Variants in PRKCI observed in about 807,000 individuals in gnomAD.
PRKCI encodes the protein protein kinase C iota.
Under a neutral mutation model 84.0 loss-of-function variants are expected in PRKCI, and 43 were observed. That is an observed-to-expected ratio of 0.51 (90% confidence interval 0.40 to 0.66). The LOEUF is 0.66. PRKCI is among the 30% of genes least tolerant of loss of function. The probability of loss-of-function intolerance (pLI) is 0.00; values close to 1 mark genes in which losing one functional copy is unlikely to be tolerated. For synonymous variants in PRKCI, 216 were observed against 234.4 expected (o/e 0.92, Z 0.72); for missense variants, 459 against 745.6 (o/e 0.62, Z 4.48).
chr3:170,279,262 C>A (rs1485466745), intron 8 of PRKCI, among the ~76,000 whole-genome samples: 1 of 152,148 alleles, frequency 6.6e-6, no homozygotes, highest in Non-Finnish European at 1.5e-5. Context: ...AACTCCTGGG[C>A]TCAATCAGTC....
chr3:170,242,412 G>C (rs182662392), intron 2 of PRKCI, among the ~76,000 whole-genome samples: 6 of 149,200 alleles, frequency 4.0e-5, no homozygotes, highest in Admixed American at 2.6e-4. Flanking sequence ...CTGCACTCTA[G>C]CCTGGACCAC....
intron 14 of PRKCI, among the ~76,000 whole-genome samples, chr3:170,294,855 A>C (rs1734654086): frequency 6.6e-6 from 1 of 152,196 alleles, no homozygotes; most frequent in African/African-American, 2.4e-5. Context: ...GAGGCACTTC[A>C]GTTATATATG....
chr3:170,247,247 G>A (rs962387023), intron 2 of PRKCI, among the ~76,000 whole-genome samples: 8 of 151,464 alleles, frequency 5.3e-5, no homozygotes, highest in African/African-American at 1.5e-4. Context: ...ATAGAGATGG[G>A]ATCTTGCTAT....
rs371213300 is a variant in PRKCI, at chr3:170,297,410, T to G, written c.1587+17T>G. 9.3e-5 allele frequency: 147 copies of G among 1,576,416 alleles called. 1 individual carries two copies. In the Middle Eastern group the frequency reaches 1.0e-3, roughly 11 times the overall value. On this transcript the variant is annotated intron_variant, in intron 16 of 17. Coordinates refer to ENST00000295797, the MANE Select transcript of PRKCI (RefSeq NM_002740.6). The stretch of plus-strand genomic sequence containing the variant: ...TGGGATATGGTATGTAAATTTTGAT[T>G]ACTCAACTATTAGGTTTCATTATTA...
chr3:170,287,630 G>T (rs957902212), intron 12 of PRKCI, among the ~76,000 whole-genome samples: 1 of 151,618 alleles, frequency 6.6e-6, no homozygotes. Flanking sequence ...ATCAAAATGG[G>T]CAGGGTGTGA....
chr3:170,303,802 G>T lies in PRKCI; in HGVS notation c.*675G>T, dbSNP rs560373226. 371 of 187,398 alleles carry T rather than the reference G, an allele frequency of 2.0e-3. 1 individual carries two copies. Among genetic ancestry groups the T allele is most frequent in the African/African-American group, 7.2e-3 (310 of 42,886 alleles). The allele number at this position is 187,398 out of a possible 1,614,324, so 11.6% of individuals were successfully genotyped here. Reference sequence around the variant, plus strand: ...ACTTGAGGTCAGGAGTTTGAGATTGGCCTGGTCAACATGGTGAAATCCTGT... The same window carrying T: ...ACTTGAGGTCAGGAGTTTGAGATTGTCCTGGTCAACATGGTGAAATCCTGT... On this transcript the variant is annotated 3_prime_UTR_variant, in exon 18 of 18. Transcript: ENST00000295797.
chr3:170,271,135 T>G (rs1007779767), intron 6 of PRKCI, among the ~76,000 whole-genome samples: 1 of 152,158 alleles, frequency 6.6e-6, no homozygotes, highest in African/African-American at 2.4e-5. Context: ...GTGGATATCC[T>G]TCCAGAACTT....
chr3:170,249,425 G>A (rs1017291525), intron 2 of PRKCI, among the ~76,000 whole-genome samples: 3 of 152,116 alleles, frequency 2.0e-5, no homozygotes, highest in Admixed American at 6.6e-5. Context: ...GTGCGTGTGT[G>A]CGTTTATGTG....
At chr3:170,222,915 G>A in intron 1 of PRKCI, 145 bp downstream of exon 1, 1 of 683,928 alleles carries the variant, frequency 1.5e-6, no homozygotes, top group Non-Finnish European at 2.4e-6. Context: ...GGTGAGTGAC[G>A]AAGTGATAGG....
chr3:170,262,031 T>C (rs3849448), intron 3 of PRKCI, among the ~76,000 whole-genome samples: 12,171 of 152,250 alleles, frequency 0.08, 629 homozygotes, highest in East Asian at 0.21. Flanking sequence ...CTTTTAAAAA[T>C]ATGCATTAGG....
At chr3:170,285,752 T>G (rs1734367435) in intron 12 of PRKCI, among the ~76,000 whole-genome samples, 1 of 151,266 alleles carries the variant, frequency 6.6e-6, no homozygotes. Flanking sequence ...TATTGTTGTT[T>G]TTTTTTTTTG....
chr3:170,295,474 T>C (rs190763511), intron 14 of PRKCI, among the ~76,000 whole-genome samples: 151 of 151,970 alleles, frequency 9.9e-4, no homozygotes, highest in African/African-American at 3.5e-3. Context: ...GTCAGGAGTT[T>C]GAGACCAGCC....
intron 1 of PRKCI, among the ~76,000 whole-genome samples, chr3:170,229,107 A>G (rs1456936910): frequency 6.6e-6 from 1 of 152,080 alleles, no homozygotes; most frequent in Non-Finnish European, 1.5e-5. Flanking sequence ...CATTGTTAAC[A>G]GTTAGGGATA....
intron 2 of PRKCI, among the ~76,000 whole-genome samples, chr3:170,252,368 A>G (rs917329467): frequency 6.6e-6 from 1 of 152,204 alleles, no homozygotes; most frequent in Non-Finnish European, 1.5e-5. Context: ...ATGGATACAT[A>G]GTAGGTGTAT....
At chr3:170,269,209 C>T (rs1733941348) in intron 5 of PRKCI, among the ~76,000 whole-genome samples, 1 of 152,210 alleles carries the variant, frequency 6.6e-6, no homozygotes, top group Non-Finnish European at 1.5e-5. Context: ...GCCACCATGC[C>T]TGGCCAGAAA....
intron 7 of PRKCI, among the ~76,000 whole-genome samples, chr3:170,273,927 T>C (rs1043039766): frequency 6.0e-5 from 9 of 150,916 alleles, no homozygotes; most frequent in Admixed American, 1.3e-4. Flanking sequence ...AGCTCAGGAG[T>C]TCAAGACCAG....
chr3:170,264,139 A>C (rs1344528510), intron 4 of PRKCI, among the ~76,000 whole-genome samples: 1 of 151,818 alleles, frequency 6.6e-6, no homozygotes, highest in Non-Finnish European at 1.5e-5. Flanking sequence ...TCATATATGC[A>C]TGCACAGTTA....
rs770998502 is a variant in PRKCI at position 170,297,365 on chromosome 3, C to T, written c.1559C>T (p.Pro520Leu). 3.0e-5 allele frequency: 49 copies of T among 1,612,956 alleles called. No individual in the cohort carries two copies. The African/African-American group carries it at 3.3e-4, about 11-fold the overall frequency. ...GGATTTGCTGATATTCAGGGACACC[C>T]GTTCTTCCGAAATGTTGATTGGGAT... ...QTGFADIQGH[P>L]FFRNVDWDMM... Residue 520 changes from proline (P) to leucine (L), a missense_variant, in exon 16 of 18, where the codon CCG becomes CTG. Coordinates refer to ENST00000295797, the MANE Select transcript of PRKCI (RefSeq NM_002740.6).
chr3:170,252,173 C>T (rs191562372), intron 2 of PRKCI, among the ~76,000 whole-genome samples: 60 of 151,028 alleles, frequency 4.0e-4, no homozygotes, highest in African/African-American at 1.4e-3. Context: ...GAGATTGCGC[C>T]ACTGCCCTCC....
Sources: allele counts gnomAD v4.1 joint callset (sites outside exome capture counted in the v4.1 genomes callset), GRCh38; gene constraint gnomAD v4.1.1; transcripts MANE v1.5; gene names NCBI Gene and HGNC (gene_info 2026-07-23, HGNC 2026-07-21).